The following VNN2 variants were observed in gnomAD, a reference collection of about 807,000 sequenced individuals.
The protein encoded by VNN2 is pantetheine hydrolase VNN2.
Under a neutral mutation model 43.0 loss-of-function variants are expected in VNN2, and 43 were observed. The observed-to-expected ratio is 1.00, with a 90% confidence interval of 0.78 to 1.29. The LOEUF (loss-of-function observed/expected upper bound fraction) is 1.29, where lower values mean the gene tolerates loss of function less well. Among genes scored for constraint, VNN2 ranks in the 50% most tolerant of loss-of-function variants. VNN2 has a pLI of 0.00. For missense variants in VNN2, 652 were observed against 619.7 expected (o/e 1.05, Z -0.55); for synonymous variants, 230 against 224.3 (o/e 1.03, Z -0.23).
intron 5 of VNN2, 72 bp from the exon 6 acceptor site, chr6:132,749,937 G>C (rs1322246319): frequency 1.4e-6 from 2 of 1,379,576 alleles, no homozygotes; most frequent in African/African-American, 1.5e-5. Flanking sequence ...TGTTGCCTTA[G>C]TTTTTAACTA....
At chr6:132,752,998 C>A (rs1056492123) in intron 3 of VNN2, 3 of 408,918 alleles carry the variant, frequency 7.3e-6, no homozygotes, top group East Asian at 4.0e-5. Flanking sequence ...AGTTAAGAGC[C>A]AAATACCCCC....
chr6:132,745,305 T>G (rs992927030), intron 6 of VNN2, among the ~76,000 whole-genome samples: 2 of 152,222 alleles, frequency 1.3e-5, no homozygotes, highest in Non-Finnish European at 2.9e-5. Context: ...AACCTCCGCC[T>G]GCTGGGTTCA....
At chr6:132,761,350 C>T (rs1255169956), upstream of VNN2, among the ~76,000 whole-genome samples, 2 of 143,594 alleles carry the variant, frequency 1.4e-5, no homozygotes, top group African/African-American at 2.8e-5. Flanking sequence ...GTCAAAGAGT[C>T]ACCATAAAAA....
At chr6:132,762,635 G>A (rs904919376), upstream of VNN2, among the ~76,000 whole-genome samples, 2 of 152,188 alleles carry the variant, frequency 1.3e-5, no homozygotes, top group Admixed American at 1.3e-4. Context: ...GTCTCATTCA[G>A]ATGAGGTAAT....
At position 132,744,710 on chromosome 6, in the gene VNN2, A is replaced by G. The variant is rs1046330737; in HGVS notation, c.1372-219T>C. Among the ~76,000 whole-genome samples the G allele has an allele frequency of 2.0e-5, 3 of 152,350 alleles. 1 individual carries two copies. The highest frequency in any genetic ancestry group is 6.8e-3 in the Middle Eastern group (2 of 294). On this transcript the variant is annotated intron_variant, in intron 6 of 6. Coordinates refer to ENST00000326499, the MANE Select transcript of VNN2 (RefSeq NM_004665.6). Reference sequence around the variant, plus strand: ...GATTTTAGTTTCAACAATCAAATGTAACCATTAATGGAAAGTCAAAATCAG... The same window carrying G: ...GATTTTAGTTTCAACAATCAAATGTGACCATTAATGGAAAGTCAAAATCAG...
chr6:132,753,426 C>T (rs961374076), intron 3 of VNN2: 1 of 438,428 alleles, frequency 2.3e-6, no homozygotes, highest in African/African-American at 2.1e-5. Context: ...ACCTGTAAGT[C>T]AGGTGAGAGA....
chr6:132,747,933 C>T (rs1779817387), intron 6 of VNN2, among the ~76,000 whole-genome samples: 1 of 152,044 alleles, frequency 6.6e-6, no homozygotes, highest in Non-Finnish European at 1.5e-5. Flanking sequence ...ATTTTTTTGT[C>T]CTTCTCCCAT....
At position 132,752,447 on chromosome 6, in the gene VNN2, T is replaced by C; in HGVS notation, c.826+14A>G. 6.2e-7 allele frequency: 1 copy of C among 1,604,920 alleles called. No individual in the cohort carries two copies. On this transcript the variant is annotated intron_variant, in intron 4 of 6. Coordinates refer to ENST00000326499, the MANE Select transcript of VNN2 (RefSeq NM_004665.6). ...TAAAAATATAAGATGAAACCTAACC[T>C]GGTCATGAATTACCTGTCATATTTA...
intron 3 of VNN2, among the ~76,000 whole-genome samples, chr6:132,754,625 C>T (rs984721663): frequency 1.3e-5 from 2 of 152,192 alleles, no homozygotes; most frequent in African/African-American, 4.8e-5. Context: ...GTACATCACA[C>T]ATATCCATTT....
chr6:132,757,295 G>T, intron 2 of VNN2, 121 bp downstream of exon 2: 1 of 1,191,056 alleles, frequency 8.4e-7, no homozygotes, highest in Non-Finnish European at 1.1e-6. Flanking sequence ...CAAATGTTGA[G>T]ATAAATATAA....
chr6:132,747,543 A>G (rs1198937073), intron 6 of VNN2, among the ~76,000 whole-genome samples: 3 of 152,234 alleles, frequency 2.0e-5, no homozygotes, highest in Middle Eastern at 3.4e-3. Context: ...CTTGAACCCA[A>G]GAGGCAGAGT....
At chr6:132,746,773 G>A (rs972007851) in intron 6 of VNN2, among the ~76,000 whole-genome samples, 1 of 152,170 alleles carries the variant, frequency 6.6e-6, no homozygotes, top group Non-Finnish European at 1.5e-5. Context: ...TTGACATACA[G>A]TTCATTGTTC....
At chr6:132,751,587 C>T in intron 4 of VNN2, 69 bp from the exon 5 acceptor site, 1 of 1,531,216 alleles carries the variant, frequency 6.5e-7, no homozygotes, top group Non-Finnish European at 8.7e-7. Flanking sequence ...CCAATTTCCC[C>T]ATCAGAATTG....
At chr6:132,756,127 G>C in intron 2 of VNN2, 92 bp from the exon 3 acceptor site, 3 of 1,192,736 alleles carry the variant, frequency 2.5e-6, no homozygotes, top group Non-Finnish European at 3.4e-6. Flanking sequence ...CACTTAAGTG[G>C]AACTTAAGTT....
Position 132,744,202 on chromosome 6 carries a change from A to G in VNN2, c.*98T>C. 2.8e-6 allele frequency: 3 copies of G among 1,077,164 alleles called. No homozygotes were observed. The highest frequency in any genetic ancestry group is 4.0e-6 in the Non-Finnish European group (3 of 741,766). The allele number at this position is 1,077,164 out of a possible 1,614,324, so 66.7% of individuals were successfully genotyped here. ...TATTTAGGACTCACTGGTCTATACT[A>G]CTGAAATAGCCCTTCAAAGTTTCTT... On this transcript the variant is annotated 3_prime_UTR_variant, in exon 7 of 7. Transcript: ENST00000326499.
chr6:132,759,281 A>G (rs979109243), upstream of VNN2, among the ~76,000 whole-genome samples: 2 of 151,418 alleles, frequency 1.3e-5, no homozygotes, highest in Admixed American at 6.6e-5. Context: ...TCTACCAAAA[A>G]CACAAAAAGT....
At chr6:132,755,353 G>T (rs1582832994) in intron 3 of VNN2, among the ~76,000 whole-genome samples, 2 of 141,880 alleles carry the variant, frequency 1.4e-5, no homozygotes, top group Admixed American at 7.0e-5. Flanking sequence ...TTTACAACGT[G>T]TCATTTTCTT....
chr6:132,750,472 T>G (rs1779987653), intron 5 of VNN2, among the ~76,000 whole-genome samples: 1 of 148,158 alleles, frequency 6.7e-6, no homozygotes, highest in African/African-American at 2.5e-5. Context: ...AAACCCTGTC[T>G]CTACTAAAAA....
At chr6:132,760,315 C>T (rs1379885390), upstream of VNN2, among the ~76,000 whole-genome samples, 3 of 152,104 alleles carry the variant, frequency 2.0e-5, no homozygotes, top group Non-Finnish European at 4.4e-5. Flanking sequence ...GCTGGAACAC[C>T]AGGTACGCAC....
Sources: allele counts gnomAD v4.1 joint callset (sites outside exome capture counted in the v4.1 genomes callset), GRCh38; gene constraint gnomAD v4.1.1; transcripts MANE v1.5; gene names NCBI Gene and HGNC (gene_info 2026-07-23, HGNC 2026-07-21).